NFATC2: variants seen among roughly 807,000 people sequenced by gnomAD.
The protein encoded by NFATC2 is nuclear factor of activated T cells 2, also known as nuclear factor of activated T-cells, cytoplasmic 2.
In NFATC2, 22 loss-of-function variants were observed where a neutral mutation model predicts 87.3. The ratio of observed to expected loss-of-function variants is 0.25; its 90% confidence interval spans 0.18 to 0.36. NFATC2 has a LOEUF of 0.36. Among genes scored for constraint, NFATC2 ranks in the 10% least tolerant of loss-of-function variants. NFATC2 has a pLI of 1.00. For synonymous variants in NFATC2, 565 were observed against 542.2 expected (o/e 1.04, Z -0.58); for missense variants, 1,149 against 1,259.1 (o/e 0.91, Z 1.32).
chr20:51,407,035 A>C (rs1435582480), intron 9 of NFATC2, among the ~76,000 whole-genome samples: 2 of 152,276 alleles, frequency 1.3e-5, no homozygotes, highest in East Asian at 3.9e-4. Flanking sequence ...AGTCTTCCTT[A>C]GTATACGCTA....
At chr20:51,521,885 C>G (rs1180791034) in intron 2 of NFATC2, among the ~76,000 whole-genome samples, 1 of 152,142 alleles carries the variant, frequency 6.6e-6, no homozygotes, top group African/African-American at 2.4e-5. Context: ...TCCACTGTAT[C>G]CATGGGTTCT....
chr20:51,399,066 G>T, intron 9 of NFATC2: 1 of 218,850 alleles, frequency 4.6e-6, no homozygotes, highest in Non-Finnish European at 9.1e-6. Context: ...AAATTAAGCT[G>T]GTTTCTGCTG....
At chr20:51,531,342 G>A (rs2146758435) in intron 1 of NFATC2, among the ~76,000 whole-genome samples, 1 of 152,340 alleles carries the variant, frequency 6.6e-6, no homozygotes, top group African/African-American at 2.4e-5. Flanking sequence ...GCCCTGGCAG[G>A]TGACGCTCAT....
rs1985993461 is a variant in NFATC2, at chr20:51,388,443, T to TTGCAAA, written c.*3052_*3053insTTTGCA. On this transcript the variant is annotated 3_prime_UTR_variant, in exon 11 of 11. Coordinates refer to ENST00000371564, the MANE Select transcript of NFATC2 (RefSeq NM_012340.5). ...AACAGGCTCTGAGTGGGGGTTTTAT[T>TTGCAAA]ATATGGGTTTTTGTTTCCTGGAATG... 6.6e-6 allele frequency: 1 copy of TTGCAAA among 152,058 alleles called. No homozygotes were observed. Among genetic ancestry groups the TTGCAAA allele is most frequent in the Admixed American group, 6.6e-5 (1 of 15,260 alleles). 9.4% of individuals were successfully genotyped at this position (152,058 alleles called of 1,614,324 possible).
chr20:51,509,642 T>C (rs1276644431), intron 3 of NFATC2, among the ~76,000 whole-genome samples: 3 of 152,134 alleles, frequency 2.0e-5, no homozygotes, highest in Non-Finnish European at 4.4e-5. Context: ...ATTAGACAAA[T>C]AGAAGCTAAC....
chr20:51,541,075 A>G (rs2146802372), intron 1 of NFATC2, among the ~76,000 whole-genome samples: 1 of 152,280 alleles, frequency 6.6e-6, no homozygotes, highest in East Asian at 1.9e-4. Context: ...ATCTCTGGGT[A>G]TCCAAGGGAA....
intron 9 of NFATC2, among the ~76,000 whole-genome samples, chr20:51,410,700 G>C (rs117148712): frequency 0.014 from 2,116 of 152,158 alleles, 28 homozygotes; most frequent in Non-Finnish European, 0.021. Flanking sequence ...CACCATACAA[G>C]AGCTGGTATT....
intron 1 of NFATC2, among the ~76,000 whole-genome samples, chr20:51,557,887 C>T (rs2076991661): frequency 6.6e-6 from 1 of 152,174 alleles, no homozygotes. Flanking sequence ...GAGTTCAAAT[C>T]TGTTGGAGGA....
At chr20:51,395,015 C>T (rs747520466) in intron 10 of NFATC2, among the ~76,000 whole-genome samples, 2 of 152,230 alleles carry the variant, frequency 1.3e-5, no homozygotes, top group Admixed American at 6.5e-5. Flanking sequence ...AAAGACCCTG[C>T]ACCATCAGTC....
intron 1 of NFATC2, among the ~76,000 whole-genome samples, chr20:51,533,660 CG>C (rs1568739048): frequency 9.2e-5 from 14 of 152,218 alleles, no homozygotes. Flanking sequence ...CTTCCCCAGA[CG>C]GGGCTGAAAG....
At chr20:51,448,854 C>A (rs983298822) in intron 6 of NFATC2, among the ~76,000 whole-genome samples, 1 of 152,038 alleles carries the variant, frequency 6.6e-6, no homozygotes, top group Non-Finnish European at 1.5e-5. Flanking sequence ...CAAAAATAAT[C>A]AAAAATAGTA....
rs571307845 is a variant in NFATC2, at chr20:51,504,924, A to G, written c.1332+11860T>C. ...GAGCTCAAGTGTGCAGGCGCAGGGG[A>G]AAAAAAAGACTAAAAAGAAATACAC... On this transcript the variant is annotated intron_variant, in intron 3 of 10. Transcript: ENST00000371564. Among the ~76,000 whole-genome samples the G allele has an allele frequency of 1.4e-3, 209 of 151,396 alleles. 1 individual carries two copies. The highest frequency in any genetic ancestry group is 4.9e-3 in the African/African-American group (203 of 41,282).
In NFATC2 at chr20:51,410,189, G is replaced by A. The variant is rs371316606; in HGVS notation, c.2723-11459C>T. ...CATGCCACTGCACTCCAGCCTGGGCGACAGAGCGAGACTCTGTCTCAAAAA... is the reference window on the plus strand; with the variant it reads ...CATGCCACTGCACTCCAGCCTGGGCAACAGAGCGAGACTCTGTCTCAAAAA... On this transcript the variant is annotated intron_variant, in intron 9 of 10. Coordinates refer to ENST00000371564, the MANE Select transcript of NFATC2 (RefSeq NM_012340.5). Among the ~76,000 whole-genome samples the A allele has an allele frequency of 4.0e-4, 46 of 116,276 alleles. No homozygotes were observed. In the East Asian group the frequency reaches 6.3e-3, roughly 16 times the overall value. 76.3% of individuals were successfully genotyped at this position (116,276 alleles called of 152,430 possible).
intron 6 of NFATC2, among the ~76,000 whole-genome samples, chr20:51,442,237 GC>G (rs780294926): frequency 1.3e-5 from 2 of 152,144 alleles, no homozygotes; most frequent in Non-Finnish European, 2.9e-5. Context: ...TTTGAGACCA[GC>G]CTGGTCAACA....
intron 3 of NFATC2, among the ~76,000 whole-genome samples, chr20:51,493,132 G>T (rs2075925748): frequency 6.6e-6 from 1 of 152,220 alleles, no homozygotes; most frequent in Non-Finnish European, 1.5e-5. Context: ...CTGGGGGCTA[G>T]GGAGTCGGCA....
intron 5 of NFATC2, among the ~76,000 whole-genome samples, chr20:51,460,630 TTTC>T (rs1379981022): frequency 1.3e-5 from 1 of 74,388 alleles, no homozygotes; most frequent in Non-Finnish European, 2.4e-5. Context: ...ATAACCCAGG[TTTC>T]TTCTTCTTTT....
intron 10 of NFATC2, among the ~76,000 whole-genome samples, chr20:51,398,406 C>T (rs986328240): frequency 6.6e-6 from 1 of 152,184 alleles, no homozygotes; most frequent in Non-Finnish European, 1.5e-5. Flanking sequence ...AATCGGGGAG[C>T]ATGCAAGTTA....
At chr20:51,557,336 C>T (rs776682835) in intron 1 of NFATC2, among the ~76,000 whole-genome samples, 54 of 152,280 alleles carry the variant, frequency 3.5e-4, no homozygotes, top group Non-Finnish European at 6.0e-4. Flanking sequence ...CCAGACTCCA[C>T]CACTCGCTAG....
chr20:51,490,785 A>T (rs1457072964), intron 3 of NFATC2, among the ~76,000 whole-genome samples: 1 of 152,190 alleles, frequency 6.6e-6, no homozygotes, highest in African/African-American at 2.4e-5. Flanking sequence ...AAAAAAATTT[A>T]AAAATAAAAT....
Sources: allele counts gnomAD v4.1 joint callset (sites outside exome capture counted in the v4.1 genomes callset), GRCh38; gene constraint gnomAD v4.1.1; transcripts MANE v1.5; gene names NCBI Gene and HGNC (gene_info 2026-07-23, HGNC 2026-07-21).